The following CLDN14 variants were observed in gnomAD, a reference collection of about 807,000 sequenced individuals.
The protein encoded by CLDN14 is claudin-14.
In CLDN14, 2 loss-of-function variants were observed where a neutral mutation model predicts 2.1. The observed-to-expected ratio is 0.96, with a 90% CI of 0.39 to 3.01. The LOEUF is 3.01. Ranked by LOEUF, CLDN14 falls within the 30% of genes most tolerant of loss-of-function variation. The probability of loss-of-function intolerance (pLI) is 0.09; values close to 1 mark genes in which losing one functional copy is unlikely to be tolerated. For missense variants in CLDN14, 298 were observed against 328.0 expected (o/e 0.91, Z 0.71); for synonymous variants, 136 against 154.4 (o/e 0.88, Z 0.88).
rs1417082950 is a variant in CLDN14 at position 36,498,809 on chromosome 21, T to C, written c.-82+11554A>G. On this transcript the variant is annotated intron_variant, in intron 2 of 2. Coordinates refer to the CLDN14 transcript ENST00000342108. The surrounding 1 kb of genome is among the most constrained non-coding windows in gnomAD (Gnocchi z 4.9). Reference sequence around the variant, plus strand: ...ACTGGCTGCGTCTGCCTGGACACCATCAGCCCTGCACGAAGGTGGCCGCTG... The same window carrying C: ...ACTGGCTGCGTCTGCCTGGACACCACCAGCCCTGCACGAAGGTGGCCGCTG... Among the ~76,000 whole-genome samples, 2 of 152,144 alleles carry C rather than the reference T, an allele frequency of 1.3e-5. No homozygotes were observed. Among genetic ancestry groups the C allele is most frequent in the African/African-American group, 4.8e-5 (2 of 41,430 alleles).
intron 1 of CLDN14, among the ~76,000 whole-genome samples, chr21:36,540,287 T>C (rs2087477611): frequency 6.6e-6 from 1 of 152,182 alleles, no homozygotes; most frequent in African/African-American, 2.4e-5. Context: ...AAATCATCCC[T>C]AGATGACGTA....
chr21:36,489,208 A>G lies in CLDN14; in HGVS notation c.-82+21155T>C, dbSNP rs1437106335. Among the ~76,000 whole-genome samples the G allele has an allele frequency of 2.2e-4, 25 of 111,248 alleles. No homozygotes were observed. The East Asian group carries it at 9.4e-3, about 42-fold the overall frequency. 73.0% of individuals were successfully genotyped at this position (111,248 alleles called of 152,430 possible). A position where few individuals can be genotyped will look rare whatever the true frequency, so the allele number is the denominator to read the frequency against. The stretch of plus-strand genomic sequence containing the variant: ...ATGGGGGGCGGGAGAGAGAGAGAGA[A>G]AGAGAGAGAGAGAGAGAGAGAACAT... On this transcript the variant is annotated intron_variant, in intron 2 of 2. Coordinates refer to the CLDN14 transcript ENST00000342108.
At chr21:36,462,308 G>T (rs932592670) in intron 1 of CLDN14, among the ~76,000 whole-genome samples, 5 of 152,090 alleles carry the variant, frequency 3.3e-5, no homozygotes, top group Admixed American at 6.5e-5. Context: ...TCCAGAGCTG[G>T]ATGTGACCTA....
At chr21:36,572,901 C>T (rs1023272075) in intron 1 of CLDN14, among the ~76,000 whole-genome samples, 7 of 152,210 alleles carry the variant, frequency 4.6e-5, no homozygotes, top group South Asian at 2.1e-4. Context: ...TCCAATCTTG[C>T]GCTTCCCTGC....
chr21:36,567,335 A>T (rs574032454), intron 1 of CLDN14, among the ~76,000 whole-genome samples: 1 of 152,390 alleles, frequency 6.6e-6, no homozygotes, highest in African/African-American at 2.4e-5. Flanking sequence ...TCTCCAAGGC[A>T]CATCGCTTCA....
At chr21:36,478,532 A>G (rs1333791447) in intron 1 of CLDN14, among the ~76,000 whole-genome samples, 1 of 152,244 alleles carries the variant, frequency 6.6e-6, no homozygotes, top group East Asian at 1.9e-4. Flanking sequence ...ATCCTAACAG[A>G]TAAGCCCGTC....
rs755698983 is a variant in CLDN14, at chr21:36,485,931, CT to C, written c.-81-24156del. 1.0e-5 allele frequency: 11 copies of C among 1,065,300 alleles called. No individual in the cohort carries two copies. In the African/African-American group the frequency reaches 1.6e-4, roughly 16 times the overall value. 66.0% of individuals were successfully genotyped at this position (1,065,300 alleles called of 1,614,324 possible). A position where few individuals can be genotyped will look rare whatever the true frequency, so the allele number is the denominator to read the frequency against. ...TAACACACATCTAACCCTATATTCT[CT>C]GCGTCCCATGCAGTCCCCTGAGCAG... is the stretch of plus-strand genomic sequence containing the variant. On this transcript the variant is annotated intron_variant, in intron 2 of 2. Coordinates refer to the CLDN14 transcript ENST00000342108.
At chr21:36,574,769 A>C (rs2087730231) in intron 1 of CLDN14, among the ~76,000 whole-genome samples, 1 of 152,208 alleles carries the variant, frequency 6.6e-6, no homozygotes, top group Non-Finnish European at 1.5e-5. Flanking sequence ...ATGTGGTAGA[A>C]TAATTTCCCA....
chr21:36,557,879 GT>G (rs2146521958), intron 1 of CLDN14, among the ~76,000 whole-genome samples: 1 of 152,272 alleles, frequency 6.6e-6, no homozygotes, highest in East Asian at 1.9e-4. Context: ...ATGTCATGAA[GT>G]TTTTCCTTAA....
At chr21:36,507,292 T>A (rs1568863189) in intron 2 of CLDN14, among the ~76,000 whole-genome samples, 1 of 152,094 alleles carries the variant, frequency 6.6e-6, no homozygotes, top group Non-Finnish European at 1.5e-5. Context: ...TGTGTATATC[T>A]TTTAGTGATG....
chr21:36,525,555 G>A lies in CLDN14; in HGVS notation c.-219-15055C>T, dbSNP rs940582689. The stretch of plus-strand genomic sequence containing the variant: ...GGACACCAAAGATGACAGAAGAGCC[G>A]GCATGAGGTCAAAGGGAGGCCAGAC... On this transcript the variant is annotated intron_variant, in intron 1 of 2. Transcript: ENST00000342108. Among the ~76,000 whole-genome samples, 14 of 152,232 alleles carry A rather than the reference G, an allele frequency of 9.2e-5. No individual in the cohort carries two copies. In the South Asian group the frequency reaches 1.7e-3, roughly 18 times the overall value.
In CLDN14 at chr21:36,498,220, C is replaced by G. The variant is rs113585361; in HGVS notation, c.-82+12143G>C. 1.3e-5 allele frequency among the ~76,000 whole-genome samples: 2 copies of G among 152,192 alleles called. No individual in the cohort carries two copies. Among genetic ancestry groups the G allele is most frequent in the South Asian group, 2.1e-4 (1 of 4,818 alleles). Reference sequence around the variant, plus strand: ...TTTGCCATATTGGCCAGGCTGGTGTCGAACTCCTGACCTCAGGCGGTCCAC... The same window carrying G: ...TTTGCCATATTGGCCAGGCTGGTGTGGAACTCCTGACCTCAGGCGGTCCAC... On this transcript the variant is annotated intron_variant, in intron 2 of 2. Coordinates refer to the CLDN14 transcript ENST00000342108. The surrounding 1 kb of genome is among the most constrained non-coding windows in gnomAD (Gnocchi z 4.9).
intron 1 of CLDN14, among the ~76,000 whole-genome samples, chr21:36,462,658 G>A (rs986564269): frequency 4.6e-5 from 7 of 152,066 alleles, no homozygotes; most frequent in African/African-American, 1.5e-4. Flanking sequence ...GGCCAGGCAC[G>A]GTGGTTCACG....
chr21:36,512,633 A>G (rs961781830), intron 1 of CLDN14, among the ~76,000 whole-genome samples: 5 of 152,240 alleles, frequency 3.3e-5, no homozygotes, highest in African/African-American at 1.2e-4. Flanking sequence ...AGAACAAGAC[A>G]CCATCTATGT....
chr21:36,542,465 C>G (rs1323240296), intron 1 of CLDN14: 2 of 152,172 alleles, frequency 1.3e-5, no homozygotes, highest in Non-Finnish European at 2.9e-5. Flanking sequence ...GGCCGGGGAG[C>G]CCCTATGGCA....
At chr21:36,537,124 A>G (rs539346677) in intron 1 of CLDN14, among the ~76,000 whole-genome samples, 4 of 152,326 alleles carry the variant, frequency 2.6e-5, no homozygotes, top group African/African-American at 7.2e-5. Flanking sequence ...CGGGAGGTGG[A>G]GGTTGCAGTG....
upstream of CLDN14, chr21:36,480,902 C>T (rs1203154585): frequency 6.6e-6 from 1 of 152,092 alleles, no homozygotes; most frequent in Non-Finnish European, 1.5e-5. Flanking sequence ...TGGGCATGGA[C>T]CAAAAGCCTG....
chr21:36,538,080 A>T (rs2087444425), intron 1 of CLDN14, among the ~76,000 whole-genome samples: 1 of 152,190 alleles, frequency 6.6e-6, no homozygotes, highest in South Asian at 2.1e-4. Flanking sequence ...CCAGGGAGAC[A>T]GTCTACAGGT....
upstream of CLDN14, among the ~76,000 whole-genome samples, chr21:36,483,295 G>T (rs1227566762): frequency 6.6e-6 from 1 of 152,086 alleles, no homozygotes; most frequent in Non-Finnish European, 1.5e-5. Context: ...GGTTCAGGAG[G>T]CCCTGAGGAG....
Sources: gnomAD v4.1 joint callset for allele counts (sites outside exome capture counted in the v4.1 genomes callset) on GRCh38, gnomAD v4.1.1 for gene constraint, Gnocchi (gnomAD v3.1) non-coding constraint, MANE v1.5 for transcripts, NCBI Gene and HGNC (gene_info 2026-07-23, HGNC 2026-07-21) for gene names.